The following IQCM variants were observed in gnomAD, a reference collection of about 807,000 sequenced individuals.
The protein encoded by IQCM is IQ motif containing M.
IQCM carries 45 observed loss-of-function variants against 57.6 expected under a neutral mutation model. That is an observed-to-expected ratio of 0.78 (90% CI 0.62 to 1.00). The LOEUF is 1.00. IQCM is among the 50% of genes least tolerant of loss of function. The pLI, the probability that IQCM is intolerant of heterozygous loss-of-function variation, is 0.00. For missense variants in IQCM, 468 were observed against 511.6 expected, an observed-to-expected ratio of 0.91 and a Z score of 0.82; for synonymous variants, 148 against 158.9, an observed-to-expected ratio of 0.93 and a Z score of 0.51.
intron 6 of IQCM, among the ~76,000 whole-genome samples, chr4:149,683,612 T>C (rs1444339044): frequency 6.6e-6 from 1 of 151,326 alleles, no homozygotes; most frequent in African/African-American, 2.4e-5. Context: ...TGAAATTCTA[T>C]AACGTTTTTA....
At chr4:149,436,199 T>C (rs1735349169) in intron 12 of IQCM, among the ~76,000 whole-genome samples, 1 of 152,156 alleles carries the variant, frequency 6.6e-6, no homozygotes, top group Non-Finnish European at 1.5e-5. Flanking sequence ...CTGTACCTTT[T>C]CTATGTTTAG....
intron 7 of IQCM, among the ~76,000 whole-genome samples, chr4:149,649,780 G>C (rs1033535503): frequency 6.6e-6 from 1 of 152,040 alleles, no homozygotes; most frequent in African/African-American, 2.4e-5. Flanking sequence ...TAGATAGCTA[G>C]GAAATGCTGG....
At chr4:149,617,357 G>T (rs6825576) in intron 8 of IQCM, among the ~76,000 whole-genome samples, 32,998 of 152,042 alleles carry the variant, frequency 0.22, 4,180 homozygotes, top group South Asian at 0.48. Context: ...AACGAAAGGG[G>T]AATCCTTACT....
At chr4:149,366,253 T>C (rs965450412) in intron 13 of IQCM, among the ~76,000 whole-genome samples, 2 of 152,058 alleles carry the variant, frequency 1.3e-5, no homozygotes, top group Admixed American at 1.3e-4. Flanking sequence ...GGGTAGATGC[T>C]AGACTTTTTA....
intron 5 of IQCM, among the ~76,000 whole-genome samples, chr4:149,709,489 G>A (rs969962310): frequency 6.6e-6 from 1 of 151,964 alleles, no homozygotes; most frequent in African/African-American, 2.4e-5. Flanking sequence ...GTATTTTATA[G>A]TTTATATTAT....
At position 149,548,544 on chromosome 4, in the gene IQCM, T is replaced by C; in HGVS notation, c.1139A>G (p.Glu380Gly). ...GAAGAAATTGGGGAGCTCATTTCTT[T>C]CAATTTTTGGCCAATCTTCCCTCTT... ...FAKREDWPKI[E>G]RNELPNFFSD... Residue 380 changes from glutamate to glycine, a missense_variant, in exon 12 of 14, where the codon GAA (glutamate) becomes GGA (glycine). By Grantham distance (98) the Glu-to-Gly change is moderately conservative. Coordinates refer to ENST00000636793, the MANE Select transcript of IQCM (RefSeq NM_001363507.2). 8.1e-7 allele frequency: 1 copy of C among 1,230,920 alleles called. No homozygotes were observed. The highest frequency in any genetic ancestry group is 1.0e-6 in the Non-Finnish European group (1 of 986,906). 76.2% of individuals were successfully genotyped at this position (1,230,920 alleles called of 1,614,324 possible).
At chr4:149,399,604 G>T (rs1732474783) in intron 13 of IQCM, among the ~76,000 whole-genome samples, 1 of 152,016 alleles carries the variant, frequency 6.6e-6, no homozygotes, top group Non-Finnish European at 1.5e-5. Context: ...CCATTTCTTT[G>T]CCCTCACCCT....
intron 5 of IQCM, among the ~76,000 whole-genome samples, chr4:149,723,052 T>C (rs1419614220): frequency 6.6e-6 from 1 of 152,016 alleles, no homozygotes; most frequent in Admixed American, 6.6e-5. Flanking sequence ...GTAGTTATTG[T>C]AAAAGGGACT....
intron 12 of IQCM, among the ~76,000 whole-genome samples, chr4:149,480,992 T>C (rs897218231): frequency 6.6e-6 from 1 of 152,170 alleles, no homozygotes; most frequent in Non-Finnish European, 1.5e-5. Flanking sequence ...CTGACTTGCA[T>C]TTCTCTGATG....
At chr4:149,554,760 C>T (rs924865164) in intron 10 of IQCM, among the ~76,000 whole-genome samples, 9 of 150,988 alleles carry the variant, frequency 6.0e-5, no homozygotes, top group African/African-American at 2.2e-4. Flanking sequence ...AGTGCAGTGG[C>T]GCGATCTCGG....
chr4:149,653,527 T>C (rs956782334), intron 7 of IQCM, among the ~76,000 whole-genome samples: 9 of 152,084 alleles, frequency 5.9e-5, no homozygotes, highest in African/African-American at 1.9e-4. Flanking sequence ...GCTTTTTATA[T>C]TGTATGTGTG....
chr4:149,706,799 G>C (rs781139652), intron 5 of IQCM, among the ~76,000 whole-genome samples: 2 of 151,950 alleles, frequency 1.3e-5, no homozygotes, highest in Non-Finnish European at 2.9e-5. Flanking sequence ...GTGACCTTGA[G>C]TGGAAATTCA....
At chr4:149,692,046 A>G (rs898693242) in intron 5 of IQCM, among the ~76,000 whole-genome samples, 3 of 152,082 alleles carry the variant, frequency 2.0e-5, no homozygotes, top group Admixed American at 6.6e-5. Context: ...GCTCCCCTAT[A>G]TTTTCCATAC....
chr4:149,354,341 G>T, intron 13 of IQCM, among the ~76,000 whole-genome samples: 1 of 96,378 alleles, frequency 1.0e-5, no homozygotes. Flanking sequence ...TCCAGCCTGG[G>T]CGACAGAGCG....
rs554896489 is a variant in IQCM, at chr4:149,406,964, G to C, written c.1390+26432C>G. Reference sequence around the variant, plus strand: ...GCACGTTTTACATGGTGGCAGGCAAGATAGAATGAGAGCCAAGTGAAGGCT... The same window carrying C: ...GCACGTTTTACATGGTGGCAGGCAACATAGAATGAGAGCCAAGTGAAGGCT... On this transcript the variant is annotated intron_variant, in intron 13 of 13. Transcript: ENST00000636793. 1.2e-4 allele frequency among the ~76,000 whole-genome samples: 18 copies of C among 151,430 alleles called. No individual in the cohort carries two copies. In the South Asian group the frequency reaches 3.6e-3, roughly 30 times the overall value.
intron 13 of IQCM, among the ~76,000 whole-genome samples, chr4:149,399,876 T>C (rs559817340): frequency 6.6e-6 from 1 of 152,208 alleles, no homozygotes; most frequent in East Asian, 1.9e-4. Context: ...AAATTCTAAT[T>C]GTTATCCTTT....
intron 5 of IQCM, among the ~76,000 whole-genome samples, chr4:149,694,369 C>T (rs796866770): frequency 3.3e-4 from 50 of 150,390 alleles, no homozygotes; most frequent in South Asian, 8.3e-4. Flanking sequence ...GGACTACAGG[C>T]GCCCGCCACT....
intron 7 of IQCM, among the ~76,000 whole-genome samples, chr4:149,635,257 AG>A (rs1757622047): frequency 6.6e-6 from 1 of 152,232 alleles, no homozygotes; most frequent in Non-Finnish European, 1.5e-5. Flanking sequence ...AGATCCTCAC[AG>A]GGTGACTGTT....
At chr4:149,365,906 T>C (rs1729797388) in intron 13 of IQCM, among the ~76,000 whole-genome samples, 1 of 152,058 alleles carries the variant, frequency 6.6e-6, no homozygotes, top group South Asian at 2.1e-4. Context: ...GATGCTGGAA[T>C]GGAAAAAGGA....
Sources: gnomAD v4.1 joint callset for allele counts (sites outside exome capture counted in the v4.1 genomes callset) on GRCh38, gnomAD v4.1.1 for gene constraint, MANE v1.5 for transcripts, NCBI Gene and HGNC (gene_info 2026-07-23, HGNC 2026-07-21) for gene names.